The following PDCD2L variants were observed in gnomAD, a reference collection of about 807,000 sequenced individuals.
PDCD2L encodes uS5 assembly chaperone PDCD2L.
PDCD2L carries 44 observed loss-of-function variants against 40.4 expected under a neutral mutation model. The observed-to-expected ratio is 1.09, with a 90% CI of 0.86 to 1.40. The LOEUF (loss-of-function observed/expected upper bound fraction) is 1.40. Among genes scored for constraint, PDCD2L ranks in the 40% most tolerant of loss-of-function variants. The pLI is 0.00. For synonymous variants in PDCD2L, 194 were observed against 174.6 expected (o/e 1.11, Z -0.88); for missense variants, 470 against 453.7 (o/e 1.04, Z -0.33).
At chr19:34,425,382 C>T (rs2075172514) in intron 6 of PDCD2L, among the ~76,000 whole-genome samples, 1 of 150,970 alleles carries the variant, frequency 6.6e-6, no homozygotes, top group African/African-American at 2.4e-5. Flanking sequence ...CTTATTGCAG[C>T]CTTTATCTCC....
chr19:34,422,262 C>T (rs1317331071), intron 6 of PDCD2L: 1 of 151,536 alleles, frequency 6.6e-6, no homozygotes, highest in South Asian at 2.1e-4. Flanking sequence ...ATTCCCCTCC[C>T]TCAGCCTCCC....
intron 3 of PDCD2L, among the ~76,000 whole-genome samples, chr19:34,405,260 C>T (rs929643938): frequency 6.7e-6 from 1 of 149,688 alleles, no homozygotes; most frequent in Non-Finnish European, 1.5e-5. Context: ...GATTCTCCTG[C>T]CTCAGCCTCC....
chr19:34,414,635 T>G (rs2075119307), intron 5 of PDCD2L, among the ~76,000 whole-genome samples: 1 of 151,224 alleles, frequency 6.6e-6, no homozygotes, highest in Non-Finnish European at 1.5e-5. Context: ...ACTACAGGCA[T>G]GTACCACCAT....
intron 5 of PDCD2L, among the ~76,000 whole-genome samples, chr19:34,416,974 C>T (rs1234524979): frequency 6.6e-6 from 1 of 151,656 alleles, no homozygotes. Context: ...ATTAGCCGGG[C>T]GTGGTGGTGG....
chr19:34,410,974 G>C (rs762059629), intron 4 of PDCD2L, among the ~76,000 whole-genome samples: 6 of 151,102 alleles, frequency 4.0e-5, no homozygotes, highest in Non-Finnish European at 5.9e-5. Flanking sequence ...TAGTAGAGAC[G>C]GGGTTTCACC....
intron 3 of PDCD2L, among the ~76,000 whole-genome samples, chr19:34,405,351 G>A (rs1044942328): frequency 3.3e-5 from 5 of 151,284 alleles, no homozygotes; most frequent in Non-Finnish European, 7.4e-5. Context: ...TCGCCATGGT[G>A]GTCAGGCTGG....
At chr19:34,415,550 A>G (rs2075123206) in intron 5 of PDCD2L, among the ~76,000 whole-genome samples, 1 of 152,256 alleles carries the variant, frequency 6.6e-6, no homozygotes, top group African/African-American at 2.4e-5. Flanking sequence ...AAATAGCCAC[A>G]TAGTAAAAAC....
intron 5 of PDCD2L, among the ~76,000 whole-genome samples, chr19:34,415,633 G>C (rs1011299715): frequency 1.3e-5 from 2 of 152,030 alleles, no homozygotes; most frequent in African/African-American, 2.4e-5. Flanking sequence ...GAATCTAAAA[G>C]CTAAAAATCA....
At chr19:34,410,530 G>A (rs182111967) in intron 4 of PDCD2L, among the ~76,000 whole-genome samples, 282 of 152,246 alleles carry the variant, frequency 1.9e-3, no homozygotes, top group African/African-American at 6.6e-3. Context: ...GGGATTACAG[G>A]CGTGAGCCAT....
chr19:34,418,195 C>G (rs1167542651), intron 5 of PDCD2L, among the ~76,000 whole-genome samples: 2 of 152,190 alleles, frequency 1.3e-5, no homozygotes, highest in Non-Finnish European at 2.9e-5. Flanking sequence ...AAGTTGACAT[C>G]CATATACACC....
At chr19:34,420,306 G>GT (rs972317663) in intron 5 of PDCD2L, among the ~76,000 whole-genome samples, 58 of 143,482 alleles carry the variant, frequency 4.0e-4, no homozygotes, top group South Asian at 1.1e-3. Context: ...TGTCCACTAG[G>GT]TTTTTTTTTT....
intron 4 of PDCD2L, among the ~76,000 whole-genome samples, chr19:34,411,737 C>T (rs2075104308): frequency 6.6e-6 from 1 of 151,970 alleles, no homozygotes; most frequent in South Asian, 2.1e-4. Context: ...TCACTGCAAC[C>T]TCCAGCTCCC....
Position 34,425,947 on chromosome 19 carries a change from A to G in PDCD2L, c.947-43A>G, listed in dbSNP as rs1179057730. On this transcript the variant is annotated intron_variant, in intron 6 of 6. Transcript: ENST00000246535. The stretch of plus-strand genomic sequence containing the variant: ...CATTCCTTTTAGTAACATCAGTCTC[A>G]TAACTCTTTTTGCTGGAAGCCTGAA... The G allele has an allele frequency of 3.1e-6, 5 of 1,593,660 alleles. No individual in the cohort carries two copies. The Admixed American group carries it at 7.1e-5, about 23-fold the overall frequency.
At position 34,413,762 on chromosome 19, in the gene PDCD2L, T is replaced by C. The variant is rs1281339829; in HGVS notation, c.712T>C (p.Tyr238His). 1.7e-5 allele frequency: 27 copies of C among 1,601,136 alleles called. No individual in the cohort carries two copies. Among genetic ancestry groups the C allele is most frequent in the Non-Finnish European group, 2.3e-5 (27 of 1,170,694 alleles). ...QSLPNDGDEK[Y>H]EKTIIKSGDQ... ...CCTTCCTAATGATGGTGATGAAAAATATGAGAAGACCATAATTAAAAGTGG... is the reference window on the plus strand; with the variant it reads ...CCTTCCTAATGATGGTGATGAAAAACATGAGAAGACCATAATTAAAAGTGG... The change falls in exon 5 of 7, where the codon TAT becomes CAT. Residue 238 changes from tyrosine (Y) to histidine (H), a missense_variant. Coordinates refer to ENST00000246535, the MANE Select transcript of PDCD2L (RefSeq NM_032346.2).
chr19:34,424,745 A>ATTTTT lies in PDCD2L; in HGVS notation c.947-1232_947-1228dup, dbSNP rs34350684. 2.1e-4 allele frequency among the ~76,000 whole-genome samples: 27 copies of ATTTTT among 130,696 alleles called. 1 individual carries two copies. Among genetic ancestry groups the ATTTTT allele is most frequent in the East Asian group, 6.9e-4 (3 of 4,322 alleles). 85.7% of individuals were successfully genotyped at this position (130,696 alleles called of 152,430 possible). A position where few individuals can be genotyped will look rare whatever the true frequency, so the allele number is the denominator to read the frequency against. On this transcript the variant is annotated intron_variant, in intron 6 of 6. Transcript: ENST00000246535. ...ACCAGTTAAACTCTGCCATTTTTTC[A>ATTTTT]TTTTTTTTTTTTTTTTTGAGACAGA...
Position 34,404,420 on chromosome 19 carries a change from G to T in PDCD2L, c.-11G>T. ...CCGTAGTTTGCGTTTTCACCTGGTC[G>T]CCCGGCGGCCATGGCGGCCGTTCTG... On this transcript the variant is annotated 5_prime_UTR_variant, in exon 1 of 7. Transcript: ENST00000246535. The T allele has an allele frequency of 3.9e-6, 6 of 1,539,194 alleles. No homozygotes were observed. The highest frequency in any genetic ancestry group is 1.4e-5 in the African/African-American group (1 of 72,654).
rs1394166415 is a variant in PDCD2L at position 34,421,508 on chromosome 19, C to T, written c.798-11C>T. On this transcript the variant is annotated splice_polypyrimidine_tract_variant and intron_variant, in intron 5 of 6. Coordinates refer to ENST00000246535, the MANE Select transcript of PDCD2L (RefSeq NM_032346.2). Reference sequence around the variant, plus strand: ...GGCTCTGATTCGGGGTTCTTTGTTTCCTTGTCCTAGGTATTCCTGGAGTGG... The same window carrying T: ...GGCTCTGATTCGGGGTTCTTTGTTTTCTTGTCCTAGGTATTCCTGGAGTGG... 1.2e-6 allele frequency: 2 copies of T among 1,613,210 alleles called. No individual in the cohort carries two copies. Among genetic ancestry groups the T allele is most frequent in the African/African-American group, 2.7e-5 (2 of 74,858 alleles).
intron 4 of PDCD2L, among the ~76,000 whole-genome samples, chr19:34,411,074 C>T (rs562241240): frequency 1.3e-4 from 19 of 151,560 alleles, no homozygotes; most frequent in African/African-American, 2.7e-4. Context: ...TGAGCCACCG[C>T]GCCCGGCAGG....
intron 4 of PDCD2L, 78 bp downstream of exon 4, chr19:34,409,588 C>A: frequency 7.5e-7 from 1 of 1,329,094 alleles, no homozygotes; most frequent in Non-Finnish European, 1.1e-6. Context: ...AGTTTCACCA[C>A]AGGACCTGGG....
Sources: allele counts gnomAD v4.1 joint callset (sites outside exome capture counted in the v4.1 genomes callset), GRCh38; gene constraint gnomAD v4.1.1; transcripts MANE v1.5; gene names NCBI Gene and HGNC (gene_info 2026-07-23, HGNC 2026-07-21).